The following FAM171A1 variants were observed in gnomAD, a reference collection of about 807,000 sequenced individuals.
The protein encoded by FAM171A1 is family with sequence similarity 171 member A1.
A neutral mutation model predicts 74.9 loss-of-function variants in FAM171A1; 23 were observed. That is an observed-to-expected ratio of 0.31 (90% CI 0.22 to 0.44). The LOEUF (loss-of-function observed/expected upper bound fraction) is 0.44. Among genes scored for constraint, FAM171A1 ranks in the 20% least tolerant of loss-of-function variants. FAM171A1 has a pLI of 1.00. For missense variants in FAM171A1, 1,162 were observed against 1,159.2 expected, an observed-to-expected ratio of 1.00 and a Z score of -0.03; for synonymous variants, 527 against 505.7, an observed-to-expected ratio of 1.04 and a Z score of -0.57.
At chr10:15,252,002 G>A (rs1225332871) in intron 4 of FAM171A1, among the ~76,000 whole-genome samples, 2 of 152,166 alleles carry the variant, frequency 1.3e-5, no homozygotes, top group Non-Finnish European at 2.9e-5. Context: ...CTGCTCAGCT[G>A]ACATCTAAGG....
At chr10:15,367,350 AG>A (rs1470538632) in intron 1 of FAM171A1, among the ~76,000 whole-genome samples, 1 of 152,226 alleles carries the variant, frequency 6.6e-6, no homozygotes, top group Non-Finnish European at 1.5e-5. Context: ...ATTATAGACA[AG>A]TACAAATAAG....
intron 5 of FAM171A1, among the ~76,000 whole-genome samples, chr10:15,230,835 T>A (rs574507896): frequency 6.6e-6 from 1 of 152,326 alleles, no homozygotes; most frequent in South Asian, 2.1e-4. Context: ...GAATTTACAA[T>A]AGATATATAT....
intron 1 of FAM171A1, among the ~76,000 whole-genome samples, chr10:15,370,514 G>T (rs1438458893): frequency 6.6e-6 from 1 of 152,020 alleles, no homozygotes; most frequent in Admixed American, 6.5e-5. Context: ...CGCAGCCCAG[G>T]AGCTGGGACT....
intron 2 of FAM171A1, among the ~76,000 whole-genome samples, chr10:15,276,400 C>T (rs1027239182): frequency 2.6e-5 from 4 of 152,160 alleles, no homozygotes; most frequent in Non-Finnish European, 4.4e-5. Context: ...AAGCTGGTCT[C>T]GAACTCCTGA....
intron 1 of FAM171A1, among the ~76,000 whole-genome samples, chr10:15,289,963 C>T: frequency 6.6e-6 from 1 of 152,210 alleles, no homozygotes; most frequent in East Asian, 1.9e-4. Context: ...GGCCATGTGG[C>T]TCACGCCTGT....
intron 1 of FAM171A1, among the ~76,000 whole-genome samples, chr10:15,325,074 C>G (rs987311915): frequency 1.3e-5 from 2 of 152,246 alleles, no homozygotes; most frequent in Non-Finnish European, 1.5e-5. Flanking sequence ...ATGAGATGAG[C>G]TCCCCACTCC....
chr10:15,329,254 C>A (rs1300956112), intron 1 of FAM171A1, among the ~76,000 whole-genome samples: 16 of 152,196 alleles, frequency 1.1e-4, no homozygotes, highest in Non-Finnish European at 2.4e-4. Flanking sequence ...GACCAACCAG[C>A]CGGATGCAAC....
At chr10:15,313,536 A>C (rs1835388378) in intron 1 of FAM171A1, among the ~76,000 whole-genome samples, 1 of 152,236 alleles carries the variant, frequency 6.6e-6, no homozygotes, top group Non-Finnish European at 1.5e-5. Flanking sequence ...GCCTTTAAAG[A>C]GATACTGTAA....
In FAM171A1 at chr10:15,213,394, T is replaced by G. The variant is rs995810568; in HGVS notation, c.2194A>C (p.Arg732=). ...HSYIDLQRAG[R]NGSNDASLDS... is the part of the protein sequence containing the mutation. ...AAACTGGCATCATTACTTCCGTTCC[T>G]TCCAGCTCTTTGGAGATCAATGTAT... Residue 732 remains arginine (R), a synonymous_variant, in exon 8 of 8, where the codon AGG becomes CGG. Transcript: ENST00000378116. This position sits in a 1 kb window ranked among gnomAD's most constrained non-coding sequence, Gnocchi z 6.8. 1 of 1,614,192 alleles carries G rather than the reference T, an allele frequency of 6.2e-7. No homozygotes were observed.
intron 1 of FAM171A1, among the ~76,000 whole-genome samples, chr10:15,289,722 G>A (rs1037096078): frequency 6.6e-6 from 1 of 152,134 alleles, no homozygotes; most frequent in Non-Finnish European, 1.5e-5. Context: ...CAGCAACTTC[G>A]GCCTGCCCTC....
chr10:15,358,115 A>C (rs938682785), intron 1 of FAM171A1, among the ~76,000 whole-genome samples: 5 of 152,102 alleles, frequency 3.3e-5, no homozygotes, highest in Non-Finnish European at 5.9e-5. Context: ...AGCTGGGACC[A>C]CAGGTGCCTG....
chr10:15,314,009 T>C (rs1390340123), intron 1 of FAM171A1, among the ~76,000 whole-genome samples: 1 of 152,230 alleles, frequency 6.6e-6, no homozygotes, highest in Non-Finnish European at 1.5e-5. Flanking sequence ...TCCTGTTATC[T>C]TTCCTGAAGC....
intron 6 of FAM171A1, among the ~76,000 whole-genome samples, chr10:15,219,870 G>A (rs1249823624): frequency 1.9e-4 from 29 of 152,166 alleles, no homozygotes; most frequent in Non-Finnish European, 1.5e-5. Context: ...GTGAGCCACC[G>A]CGCCCGGCTA....
At chr10:15,307,810 T>C (rs910216726) in intron 1 of FAM171A1, among the ~76,000 whole-genome samples, 2 of 139,772 alleles carry the variant, frequency 1.4e-5, no homozygotes, top group South Asian at 2.2e-4. Flanking sequence ...GGGGAATTAA[T>C]GCCTTTTTTT....
intron 1 of FAM171A1, among the ~76,000 whole-genome samples, chr10:15,312,068 C>A (rs1475291445): frequency 6.6e-6 from 1 of 152,244 alleles, no homozygotes; most frequent in Non-Finnish European, 1.5e-5. Flanking sequence ...TGCCACCCAG[C>A]AGAGCTGAGA....
chr10:15,246,060 C>T (rs1834429367), intron 5 of FAM171A1, among the ~76,000 whole-genome samples: 1 of 152,170 alleles, frequency 6.6e-6, no homozygotes, highest in Admixed American at 6.5e-5. Flanking sequence ...ACCTCAGGTC[C>T]CCACCATGAC....
intron 1 of FAM171A1, among the ~76,000 whole-genome samples, chr10:15,311,474 G>A (rs567026159): frequency 1.3e-5 from 2 of 152,290 alleles, no homozygotes; most frequent in African/African-American, 2.4e-5. Context: ...CCTTCCCTGG[G>A]TAAATGCTTT....
chr10:15,218,585 T>C (rs1331034341), intron 6 of FAM171A1, among the ~76,000 whole-genome samples: 1 of 151,946 alleles, frequency 6.6e-6, no homozygotes, highest in East Asian at 1.9e-4. Flanking sequence ...CATCAGAGGC[T>C]GTAGTGGGTA....
At chr10:15,270,112 G>A (rs1057035980) in intron 3 of FAM171A1, among the ~76,000 whole-genome samples, 15 of 152,182 alleles carry the variant, frequency 9.9e-5, no homozygotes, top group African/African-American at 3.1e-4. Context: ...ACGGGTCGGG[G>A]AATTCCCTTT....
Sources: gnomAD v4.1 joint callset for allele counts (sites outside exome capture counted in the v4.1 genomes callset) on GRCh38, gnomAD v4.1.1 for gene constraint, Gnocchi (gnomAD v3.1) non-coding constraint, MANE v1.5 for transcripts, NCBI Gene and HGNC (gene_info 2026-07-23, HGNC 2026-07-21) for gene names.